Variants in CHORDC1 observed in about 807,000 individuals in gnomAD.
CHORDC1 encodes cysteine and histidine rich domain containing 1, also known as cysteine and histidine-rich domain-containing protein 1.
Under a neutral mutation model 48.3 loss-of-function variants are expected in CHORDC1, and 25 were observed. The ratio of observed to expected loss-of-function variants is 0.52; its 90% CI spans 0.38 to 0.72. CHORDC1 has a LOEUF of 0.72. Ranked by LOEUF, CHORDC1 falls within the 30% of genes least tolerant of loss-of-function variation. CHORDC1 has a pLI of 0.00. For synonymous variants in CHORDC1, 128 were observed against 126.4 expected, an observed-to-expected ratio of 1.01 and a Z score of -0.09; for missense variants, 317 against 388.7, an observed-to-expected ratio of 0.82 and a Z score of 1.55.
At chr11:90,222,851 A>T (rs1858215549) in intron 1 of CHORDC1, 40 bp downstream of exon 1, 2 of 1,577,232 alleles carry the variant, frequency 1.3e-6, no homozygotes, top group African/African-American at 2.7e-5. Context: ...CCTGCTGATG[A>T]GGTGGAGGGG....
intron 6 of CHORDC1, chr11:90,207,920 G>A (rs1337556886): frequency 6.6e-6 from 1 of 152,044 alleles, no homozygotes; most frequent in African/African-American, 2.4e-5. Flanking sequence ...AGATATACAG[G>A]TGGGCATACC....
chr11:90,207,137 A>G (rs552713953), intron 6 of CHORDC1: 2 of 187,116 alleles, frequency 1.1e-5, no homozygotes, highest in African/African-American at 4.7e-5. Context: ...CTCTCCCTCC[A>G]CCCATAGGCA....
chr11:90,218,480 T>C (rs1304512588), intron 1 of CHORDC1, among the ~76,000 whole-genome samples: 1 of 152,216 alleles, frequency 6.6e-6, no homozygotes, highest in African/African-American at 2.4e-5. Flanking sequence ...GTACCAAAAC[T>C]TCAAACCCCC....
At chr11:90,202,714 A>G (rs559986269) in intron 10 of CHORDC1, 99 bp downstream of exon 10, 4 of 1,424,414 alleles carry the variant, frequency 2.8e-6, no homozygotes, top group African/African-American at 1.4e-5. Context: ...TAAGTTATAC[A>G]TCTATACTTT....
rs1248665378 is a variant in CHORDC1 at position 90,201,814 on chromosome 11, G to A, written c.*591C>T. ...CTGCTTGGCAAGTAATGTAAGTTTT[G>A]ACATAATTTAAAAATTCAAGTAGTT... On this transcript the variant is annotated 3_prime_UTR_variant, in exon 11 of 11. Transcript: ENST00000320585. 1 of 152,180 alleles carries A rather than the reference G, an allele frequency of 6.6e-6. No homozygotes were observed. The highest frequency in any genetic ancestry group is 1.5e-5 in the Non-Finnish European group (1 of 67,868). 9.4% of individuals were successfully genotyped at this position (152,180 alleles called of 1,614,324 possible). A position where few individuals can be genotyped will look rare whatever the true frequency, so the allele number is the denominator to read the frequency against.
chr11:90,206,366 C>G, intron 6 of CHORDC1, 94 bp from the exon 7 acceptor site: 1 of 710,444 alleles, frequency 1.4e-6, no homozygotes, highest in Non-Finnish European at 2.5e-6. Context: ...ACGAACTTTG[C>G]AAAATACTTA....
chr11:90,204,404 T>C (rs973064700), intron 8 of CHORDC1, among the ~76,000 whole-genome samples: 14 of 151,682 alleles, frequency 9.2e-5, no homozygotes, highest in African/African-American at 3.4e-4. Context: ...GGTATTTTTA[T>C]AATATCCAAC....
intron 4 of CHORDC1, 155 bp from the exon 5 acceptor site, chr11:90,211,473 T>G: frequency 1.8e-6 from 1 of 570,280 alleles, no homozygotes. Context: ...TAAATAATTG[T>G]TACAATGTAT....
intron 5 of CHORDC1, 200 bp from the exon 6 acceptor site, chr11:90,210,794 A>G (rs952612755): frequency 3.8e-6 from 2 of 528,586 alleles, no homozygotes; most frequent in Admixed American, 3.4e-5. Context: ...TGCAGGACAC[A>G]ATTTTTTCCA....
intron 1 of CHORDC1, 117 bp from the exon 2 acceptor site, chr11:90,218,301 A>T: frequency 1.5e-6 from 1 of 650,280 alleles, no homozygotes; most frequent in Non-Finnish European, 2.6e-6. Context: ...CAAGTACCTT[A>T]AAAAGGTACA....
At chr11:90,216,836 C>T (rs1377279134) in intron 2 of CHORDC1, among the ~76,000 whole-genome samples, 2 of 151,944 alleles carry the variant, frequency 1.3e-5, no homozygotes, top group African/African-American at 2.4e-5. Context: ...TAAGAGCCAT[C>T]GGCGTAGAGG....
At chr11:90,222,571 G>A in intron 1 of CHORDC1, 1 of 578,688 alleles carries the variant, frequency 1.7e-6, no homozygotes, top group Non-Finnish European at 3.2e-6. Flanking sequence ...GGCCAGAGGA[G>A]AAACGTGTTC....
chr11:90,203,469 ATAAT>A, intron 8 of CHORDC1, 42 bp from the exon 9 acceptor site: 2 of 1,487,962 alleles, frequency 1.3e-6, no homozygotes, highest in Non-Finnish European at 1.8e-6. Flanking sequence ...AAAGTGCCAC[ATAAT>A]TAATTTCTTA....
chr11:90,213,216 C>G (rs1017693068), intron 4 of CHORDC1: 2 of 477,432 alleles, frequency 4.2e-6, no homozygotes, highest in African/African-American at 3.9e-5. Flanking sequence ...GGGTTCTTAT[C>G]TTGGTTCTAT....
intron 8 of CHORDC1, 108 bp from the exon 9 acceptor site, chr11:90,203,535 G>A: frequency 9.7e-7 from 1 of 1,035,192 alleles, no homozygotes. Flanking sequence ...CAACAACTAA[G>A]CACTTAATGT....
At chr11:90,202,951 A>G in intron 9 of CHORDC1, 76 bp from the exon 10 acceptor site, 1 of 1,453,132 alleles carries the variant, frequency 6.9e-7, no homozygotes, top group Non-Finnish European at 9.2e-7. Flanking sequence ...TTATAAAAAT[A>G]AGACTGACAA....
chr11:90,202,462 G>A lies in CHORDC1; in HGVS notation c.942C>T (p.Ser314=). Residue 314 remains serine (S), a synonymous_variant, in exon 11 of 11, where the codon AGC becomes AGT. Coordinates refer to ENST00000320585, the MANE Select transcript of CHORDC1 (RefSeq NM_012124.3). ...GCTTTTTAGCTGCAGGCAGTTCAAGGCTTGCCCACTGCATCGGTTCAGCTT... is the reference window on the plus strand; with the variant it reads ...GCTTTTTAGCTGCAGGCAGTTCAAGACTTGCCCACTGCATCGGTTCAGCTT... The part of the protein sequence containing the change: ...MRKAEPMQWA[S]LELPAAKKQE... 1 of 1,612,082 alleles carries A rather than the reference G, an allele frequency of 6.2e-7. No homozygotes were observed. Among genetic ancestry groups the A allele is most frequent in the Non-Finnish European group, 8.5e-7 (1 of 1,179,588 alleles).
intron 4 of CHORDC1, chr11:90,211,873 T>C (rs1857871338): frequency 2.2e-5 from 2 of 91,568 alleles, no homozygotes; most frequent in Admixed American, 2.6e-4. Flanking sequence ...AAGTGTTGTA[T>C]ACATAATTTA....
At chr11:90,211,167 T>G (rs762633914) in intron 5 of CHORDC1, 48 bp downstream of exon 5, 1 of 1,292,590 alleles carries the variant, frequency 7.7e-7, no homozygotes, top group Non-Finnish European at 1.1e-6. Context: ...GGATAACTGC[T>G]TAACTGTACC....
Sources: allele counts gnomAD v4.1 joint callset (sites outside exome capture counted in the v4.1 genomes callset), GRCh38; gene constraint gnomAD v4.1.1; transcripts MANE v1.5; gene names NCBI Gene and HGNC (gene_info 2026-07-23, HGNC 2026-07-21).